The following SHISA9 variants were observed in gnomAD, a reference collection of about 807,000 sequenced individuals.
The protein encoded by SHISA9 is shisa family member 9.
A neutral mutation model predicts 38.0 loss-of-function variants in SHISA9; 13 were observed. That is an observed-to-expected ratio of 0.34 (90% CI 0.22 to 0.54). SHISA9 has a LOEUF of 0.54. Among genes scored for constraint, SHISA9 ranks in the 20% least tolerant of loss-of-function variants. The pLI, the probability that SHISA9 is intolerant of heterozygous loss-of-function variation, is 0.91. For synonymous variants in SHISA9, 275 were observed against 242.0 expected (o/e 1.14, Z -1.27); for missense variants, 538 against 575.8 (o/e 0.93, Z 0.67).
the SHISA9 span, among the ~76,000 whole-genome samples, chr16:13,354,973 G>C: frequency 6.9e-6 from 1 of 144,230 alleles, no homozygotes; most frequent in African/African-American, 2.5e-5. Flanking sequence ...AGCTTGATGG[G>C]TGTCAGGGTC....
chr16:13,513,222 G>T, the SHISA9 span, among the ~76,000 whole-genome samples: 2 of 152,144 alleles, frequency 1.3e-5, no homozygotes, highest in Non-Finnish European at 2.9e-5. Context: ...CTTCTCAAAA[G>T]AAGACATTTA....
the SHISA9 span, among the ~76,000 whole-genome samples, chr16:13,415,629 AAG>A: frequency 6.6e-6 from 1 of 152,192 alleles, no homozygotes; most frequent in Admixed American, 6.5e-5. Flanking sequence ...ACATGACAAA[AAG>A]GAATGAAATG....
chr16:13,520,100 GGATGCTGGGAT>G, the SHISA9 span, among the ~76,000 whole-genome samples: 1 of 152,178 alleles, frequency 6.6e-6, no homozygotes, highest in Non-Finnish European at 1.5e-5. Context: ...AGGAGTAACT[GGATGCTGGGAT>G]AATGCTGGTG....
At chr16:12,923,360 C>G (rs1445749228) in intron 2 of SHISA9, among the ~76,000 whole-genome samples, 1 of 152,070 alleles carries the variant, frequency 6.6e-6, no homozygotes, top group African/African-American at 2.4e-5. Flanking sequence ...GAAACCGTGT[C>G]CCTACAAAAA....
the SHISA9 span, among the ~76,000 whole-genome samples, chr16:13,360,231 C>G: frequency 6.6e-6 from 1 of 152,204 alleles, no homozygotes; most frequent in East Asian, 1.9e-4. Flanking sequence ...GTCCTGCACC[C>G]TCAGCTCACC....
intron 2 of SHISA9, among the ~76,000 whole-genome samples, chr16:13,173,214 G>A (rs1221548891): frequency 6.7e-6 from 1 of 149,112 alleles, no homozygotes; most frequent in Non-Finnish European, 1.5e-5. Flanking sequence ...CAGAAACAAA[G>A]AGTTTTTAGG....
the SHISA9 span, among the ~76,000 whole-genome samples, chr16:13,344,137 C>T: frequency 6.6e-6 from 1 of 152,074 alleles, no homozygotes; most frequent in Admixed American, 6.6e-5. Flanking sequence ...AAGGGAAAAC[C>T]CTGGAATTAT....
At chr16:13,338,076 C>G in the SHISA9 span, among the ~76,000 whole-genome samples, 1 of 152,320 alleles carries the variant, frequency 6.6e-6, no homozygotes, top group South Asian at 2.1e-4. Context: ...ACCACCTTTA[C>G]TCTGGCTTGG....
At chr16:13,399,549 C>T in the SHISA9 span, among the ~76,000 whole-genome samples, 63 of 152,306 alleles carry the variant, frequency 4.1e-4, no homozygotes, top group Admixed American at 6.5e-4. Flanking sequence ...CTCATGTTCT[C>T]GTCACCCCTT....
At chr16:13,388,334 CAG>C in the SHISA9 span, among the ~76,000 whole-genome samples, 2 of 140,902 alleles carry the variant, frequency 1.4e-5, no homozygotes, top group African/African-American at 2.8e-5. Context: ...TTTTTTAAGA[CAG>C]AGTCTCACTC....
intron 2 of SHISA9, among the ~76,000 whole-genome samples, chr16:13,075,544 C>T (rs1299987650): frequency 6.6e-6 from 1 of 152,130 alleles, no homozygotes; most frequent in African/African-American, 2.4e-5. Context: ...TCGTGGGCTC[C>T]CCAGGGGATC....
At chr16:13,449,728 C>T in the SHISA9 span, among the ~76,000 whole-genome samples, 1 of 152,190 alleles carries the variant, frequency 6.6e-6, no homozygotes, top group Non-Finnish European at 1.5e-5. Context: ...CCCATCACTC[C>T]TTTTAAAAGT....
the SHISA9 span, among the ~76,000 whole-genome samples, chr16:13,347,647 G>T: frequency 6.6e-6 from 1 of 152,150 alleles, no homozygotes; most frequent in Non-Finnish European, 1.5e-5. Flanking sequence ...ATCCATAAAT[G>T]ATGTAATTTA....
intron 2 of SHISA9, among the ~76,000 whole-genome samples, chr16:13,032,303 C>T (rs1035839327): frequency 1.3e-5 from 2 of 152,104 alleles, no homozygotes; most frequent in Non-Finnish European, 2.9e-5. Context: ...TGTCAGTTTG[C>T]TGAGAATGAT....
the SHISA9 span, among the ~76,000 whole-genome samples, chr16:13,255,511 T>G: frequency 3.9e-5 from 6 of 152,168 alleles, no homozygotes; most frequent in African/African-American, 9.7e-5. Flanking sequence ...CACTCCTACT[T>G]CTGTTGTCTA....
the SHISA9 span, among the ~76,000 whole-genome samples, chr16:13,492,111 C>T: frequency 6.6e-6 from 1 of 151,974 alleles, no homozygotes; most frequent in Non-Finnish European, 1.5e-5. Flanking sequence ...AGAAAACCTT[C>T]CCTTGGAGCA....
At chr16:13,475,111 G>C in the SHISA9 span, among the ~76,000 whole-genome samples, 1 of 152,148 alleles carries the variant, frequency 6.6e-6, no homozygotes, top group African/African-American at 2.4e-5. Flanking sequence ...AAGCTTTGCA[G>C]CCATTCAGAA....
intron 2 of SHISA9, among the ~76,000 whole-genome samples, chr16:12,955,677 A>G (rs1182031831): frequency 6.6e-6 from 1 of 152,108 alleles, no homozygotes; most frequent in African/African-American, 2.4e-5. Flanking sequence ...TTTTAAATAA[A>G]TGGTACTGGG....
chr16:13,257,628 A>C, the SHISA9 span, among the ~76,000 whole-genome samples: 2 of 152,198 alleles, frequency 1.3e-5, no homozygotes, highest in Non-Finnish European at 2.9e-5. Flanking sequence ...CACTTCTGCC[A>C]GTTTAAATAC....
Sources: allele counts gnomAD v4.1 joint callset (sites outside exome capture counted in the v4.1 genomes callset), GRCh38; gene constraint gnomAD v4.1.1; transcripts MANE v1.5; gene names NCBI Gene and HGNC (gene_info 2026-07-23, HGNC 2026-07-21).